UHRF2: variants seen among roughly 807,000 people sequenced by gnomAD.
UHRF2 encodes the protein ubiquitin like with PHD and ring finger domains 2.
UHRF2 carries 23 observed loss-of-function variants against 96.8 expected under a neutral mutation model. That is an observed-to-expected ratio of 0.24 (90% CI 0.17 to 0.34). The LOEUF is 0.34. Among genes scored for constraint, UHRF2 ranks in the 10% least tolerant of loss-of-function variants. The pLI is 1.00. For synonymous variants in UHRF2, 385 were observed against 332.6 expected, an observed-to-expected ratio of 1.16 and a Z score of -1.72; for missense variants, 685 against 981.5, an observed-to-expected ratio of 0.70 and a Z score of 4.04.
At chr9:6,454,106 A>G (rs1237027962) in intron 3 of UHRF2, among the ~76,000 whole-genome samples, 1 of 152,230 alleles carries the variant, frequency 6.6e-6, no homozygotes, top group Non-Finnish European at 1.5e-5. Context: ...TATGAGATAC[A>G]GTTACCATTA....
At chr9:6,503,465 G>A (rs1417940653) in intron 14 of UHRF2, among the ~76,000 whole-genome samples, 1 of 151,578 alleles carries the variant, frequency 6.6e-6, no homozygotes, top group East Asian at 1.9e-4. Flanking sequence ...GAAGAATACA[G>A]GGTATCCATT....
chr9:6,452,949 C>T (rs894586443), intron 3 of UHRF2, among the ~76,000 whole-genome samples: 5 of 152,176 alleles, frequency 3.3e-5, no homozygotes, highest in Non-Finnish European at 5.9e-5. Flanking sequence ...AATAGGTTCC[C>T]GACTTTAAGA....
chr9:6,421,023 G>A lies in UHRF2; in HGVS notation c.265G>A (p.Ala89Thr). 6.2e-7 allele frequency: 1 copy of A among 1,614,132 alleles called. No individual in the cohort carries two copies. The highest frequency in any genetic ancestry group is 8.5e-7 in the Non-Finnish European group (1 of 1,180,026). Residue 89 changes from alanine (A) to threonine (T), a missense_variant, in exon 2 of 16, where the codon GCT (alanine) becomes ACT (threonine). Around this residue, in one of 6 missense-constraint regions of UHRF2, gnomAD observed 391 missense variants for 437.0 expected, o/e 0.89. Transcript: ENST00000276893. ...HLPGTSTQIE[A>T]KPCSNSPPKV... ...TCCTGGCACATCTACACAGATTGAG[G>A]CTAAACCCTGTTCTAATAGTCCACC...
rs562950208 is a variant in UHRF2 at position 6,505,533 on chromosome 9, G to A, written c.2263-500G>A. Among the ~76,000 whole-genome samples, 11 of 152,306 alleles carry A rather than the reference G, an allele frequency of 7.2e-5. No homozygotes were observed. The South Asian group carries it at 1.5e-3, about 20-fold the overall frequency. On this transcript the variant is annotated intron_variant, in intron 15 of 15. Coordinates refer to ENST00000276893, the MANE Select transcript of UHRF2 (RefSeq NM_152896.3). Reference sequence around the variant, plus strand: ...GTTAGTCTTGAATGCCTGACCTAAGGTGATCCACCTGCCTCAGCCTCCCAG... The same window carrying A: ...GTTAGTCTTGAATGCCTGACCTAAGATGATCCACCTGCCTCAGCCTCCCAG...
intron 2 of UHRF2, among the ~76,000 whole-genome samples, chr9:6,428,455 C>A (rs988534984): frequency 6.9e-6 from 1 of 144,776 alleles, no homozygotes; most frequent in South Asian, 2.3e-4. Flanking sequence ...TATTAATAAT[C>A]TTTAACTTAT....
chr9:6,494,027 A>T, intron 10 of UHRF2, 95 bp downstream of exon 10: 1 of 1,057,176 alleles, frequency 9.5e-7, no homozygotes, highest in Non-Finnish European at 1.4e-6. Flanking sequence ...GAGAATTTCA[A>T]ACTGGGAGTT....
chr9:6,461,238 A>G (rs2130848613), intron 4 of UHRF2, among the ~76,000 whole-genome samples: 1 of 152,240 alleles, frequency 6.6e-6, no homozygotes, highest in South Asian at 2.1e-4. Flanking sequence ...ATTTAAACTT[A>G]ATGAAGAGAA....
chr9:6,415,289 C>G (rs1819532719), intron 1 of UHRF2: 1 of 152,204 alleles, frequency 6.6e-6, no homozygotes, highest in African/African-American at 2.4e-5. Context: ...AACCGTTGTA[C>G]TTCCTCTTCC....
At chr9:6,422,256 A>C (rs1378386732) in intron 2 of UHRF2, among the ~76,000 whole-genome samples, 2 of 151,006 alleles carry the variant, frequency 1.3e-5, no homozygotes, top group African/African-American at 4.9e-5. Flanking sequence ...TAATTTTTAT[A>C]TTTCCAGTAG....
chr9:6,481,645 A>G lies in UHRF2; in HGVS notation c.1163A>G (p.Tyr388Cys), dbSNP rs1823936161. ...LDKVPEEEYW[Y>C]CPSCKTDSSE... ...TCGTTCTTTTTTTTCTTTTAAAGGT[A>G]TTGTCCTTCTTGTAAAACTGATTCC... The change falls in exon 7 of 16, where the codon TAT becomes TGT. Residue 388 changes from tyrosine to cysteine, a missense_variant and splice_region_variant. This residue lies in a region of UHRF2 where 391 missense variants were observed against 437.0 expected (regional missense o/e 0.89). Transcript: ENST00000276893. The G allele has an allele frequency of 6.2e-7, 1 of 1,612,170 alleles. No individual in the cohort carries two copies. The highest frequency in any genetic ancestry group is 1.3e-5 in the African/African-American group (1 of 74,714).
At chr9:6,491,466 T>A (rs983539979) in intron 9 of UHRF2, among the ~76,000 whole-genome samples, 5 of 152,238 alleles carry the variant, frequency 3.3e-5, no homozygotes, top group African/African-American at 9.6e-5. Context: ...AAGGGTGTTA[T>A]GAGAGAAGTT....
At position 6,421,117 on chromosome 9, in the gene UHRF2, T is replaced by C. The variant is rs150094630; in HGVS notation, c.359T>C (p.Ile120Thr). 9.2e-5 allele frequency: 149 copies of C among 1,613,998 alleles called. No individual in the cohort carries two copies. The highest frequency in any genetic ancestry group is 4.9e-4 in the Middle Eastern group (3 of 6,062). ...TCTACATCAGCTCGTGCCCGTCTTA[T>C]TGATCCTGGCTTTGGAATATATAAG... is the stretch of plus-strand genomic sequence containing the variant. ...QPSTSARARL[I>T]DPGFGIYKVN... Residue 120 changes from isoleucine (I) to threonine (T), a missense_variant, in exon 2 of 16, where the codon ATT (isoleucine) becomes ACT (threonine). Around this residue, in one of 6 missense-constraint regions of UHRF2, gnomAD observed 391 missense variants for 437.0 expected, o/e 0.89. Coordinates refer to ENST00000276893, the MANE Select transcript of UHRF2 (RefSeq NM_152896.3).
intron 5 of UHRF2, among the ~76,000 whole-genome samples, chr9:6,476,513 T>G (rs756851982): frequency 6.6e-6 from 1 of 152,212 alleles, no homozygotes; most frequent in Non-Finnish European, 1.5e-5. Flanking sequence ...AACGGATTTT[T>G]CTTACTTGAT....
At chr9:6,447,504 T>C (rs1821587953) in intron 3 of UHRF2, among the ~76,000 whole-genome samples, 1 of 152,020 alleles carries the variant, frequency 6.6e-6, no homozygotes, top group South Asian at 2.1e-4. Context: ...TATACAAGGA[T>C]AAAGAAGCAG....
At chr9:6,421,211 T>G in intron 2 of UHRF2, 69 bp downstream of exon 2, 1 of 1,198,996 alleles carries the variant, frequency 8.3e-7, no homozygotes, top group Non-Finnish European at 1.2e-6. Context: ...CAGGATGTTT[T>G]GAATAAGTAA....
At chr9:6,417,755 C>T (rs893795763) in intron 1 of UHRF2, among the ~76,000 whole-genome samples, 18 of 152,054 alleles carry the variant, frequency 1.2e-4, no homozygotes, top group African/African-American at 4.3e-4. Context: ...GGTCTCATGC[C>T]GTGATATGCT....
rs763012426 is a variant in UHRF2, at chr9:6,413,503, G to A, written c.13G>A (p.Val5Ile). The A allele has an allele frequency of 3.2e-6, 5 of 1,580,112 alleles. No homozygotes were observed. The South Asian group carries it at 4.6e-5, about 14-fold the overall frequency. MWIQ[V>I]RTIDGSKTCT... ...TCTAGGCGCCAAGATGTGGATACAG[G>A]TTCGCACCATTGATGGCTCCAAGAC... The change falls in exon 1 of 16, where the codon GTT becomes ATT. Residue 5 changes from valine (V) to isoleucine (I), a missense_variant. Val to Ile is a conservative substitution (Grantham distance 29). Around this residue, in one of 6 missense-constraint regions of UHRF2, gnomAD observed 38 missense variants for 35.9 expected, o/e 1.06. Transcript: ENST00000276893.
intron 3 of UHRF2, among the ~76,000 whole-genome samples, chr9:6,450,419 G>T (rs752121188): frequency 6.7e-6 from 1 of 149,550 alleles, no homozygotes; most frequent in African/African-American, 2.5e-5. Flanking sequence ...TCTGTTATGT[G>T]TTAGTTTCCT....
intron 1 of UHRF2, among the ~76,000 whole-genome samples, chr9:6,419,311 C>A (rs568505036): frequency 6.6e-6 from 1 of 152,170 alleles, no homozygotes; most frequent in Non-Finnish European, 1.5e-5. Flanking sequence ...AACCCATAAC[C>A]CTTACCAAAA....
Sources: gnomAD v4.1 joint callset for allele counts (sites outside exome capture counted in the v4.1 genomes callset) on GRCh38, gnomAD v4.1.1 for gene constraint, gnomAD v4.1.1 regional missense constraint, MANE v1.5 for transcripts, NCBI Gene and HGNC (gene_info 2026-07-23, HGNC 2026-07-21) for gene names.